Variants in DOCK6 observed in about 807,000 individuals in gnomAD.
DOCK6 encodes dedicator of cytokinesis 6, also known as dedicator of cytokinesis protein 6.
A neutral mutation model predicts 230.3 loss-of-function variants in DOCK6; 167 were observed. The observed-to-expected ratio is 0.73, with a 90% CI of 0.64 to 0.82. The LOEUF is 0.82. Ranked by LOEUF, DOCK6 falls within the 40% of genes least tolerant of loss-of-function variation. The pLI is 0.00. For synonymous variants in DOCK6, 1,148 were observed against 1,185.0 expected (o/e 0.97, Z 0.64); for missense variants, 2,598 against 2,825.8 (o/e 0.92, Z 1.83).
chr19:11,229,068 G>A, intron 22 of DOCK6, 33 bp from the exon 23 acceptor site: 2 of 1,596,702 alleles, frequency 1.3e-6, no homozygotes, highest in Non-Finnish European at 1.7e-6. Context: ...CAGAGTGCGA[G>A]GTGCCACCCC....
chr19:11,240,189 G>A lies in DOCK6; in HGVS notation c.1643+1856C>T, dbSNP rs1185715031. ...AGAGGCCACAGCTGAGGTGCTGGGG[G>A]AGGTGGCCCAGGCACAGAAGGTGCT... On this transcript the variant is annotated intron_variant, in intron 14 of 47. Coordinates refer to ENST00000294618, the MANE Select transcript of DOCK6 (RefSeq NM_020812.4). 4.5e-6 allele frequency: 7 copies of A among 1,555,080 alleles called. No homozygotes were observed. The African/African-American group carries it at 8.2e-5, about 18-fold the overall frequency.
At chr19:11,204,936 G>GT (rs964098232) in intron 39 of DOCK6, among the ~76,000 whole-genome samples, 21 of 151,836 alleles carry the variant, frequency 1.4e-4, no homozygotes, top group Non-Finnish European at 2.1e-4. Flanking sequence ...GGGAGAAGCA[G>GT]TTTTTTTTTC....
chr19:11,208,278 CTTTTT>C (rs372026726), intron 39 of DOCK6: 29 of 118,316 alleles, frequency 2.5e-4, no homozygotes, highest in Admixed American at 3.5e-4. Context: ...ATTCTCCTTC[CTTTTT>C]TTTTTTTTTT....
intron 28 of DOCK6, among the ~76,000 whole-genome samples, chr19:11,219,731 A>C (rs545507924): frequency 6.6e-6 from 1 of 150,776 alleles, no homozygotes; most frequent in East Asian, 2.1e-4. Flanking sequence ...CAGAGCTTGC[A>C]GTGAGCCGAG....
intron 23 of DOCK6, 75 bp from the exon 24 acceptor site, chr19:11,227,552 C>G: frequency 1.4e-6 from 2 of 1,408,352 alleles, no homozygotes; most frequent in South Asian, 1.4e-5. Flanking sequence ...GTGGGTGGGG[C>G]TTGAAGGGCT....
rs1599230617 is a variant in DOCK6, at chr19:11,222,608, A to G, written c.3240+127T>C. 9.2e-7 allele frequency: 1 copy of G among 1,091,900 alleles called. No homozygotes were observed. Among genetic ancestry groups the G allele is most frequent in the Non-Finnish European group, 1.3e-6 (1 of 779,086 alleles). The allele number at this position is 1,091,900 out of a possible 1,614,324, so 67.6% of individuals were successfully genotyped here. On this transcript the variant is annotated intron_variant, in intron 26 of 47. Transcript: ENST00000294618. This position sits in a 1 kb window ranked among gnomAD's most constrained non-coding sequence, Gnocchi z 4.0. ...AAGGGTCAGAAGTCAAAAGTCAAAC[A>G]TAAGGGATTAGTTCACCTAGGCAGT...
intron 37 of DOCK6, among the ~76,000 whole-genome samples, chr19:11,210,604 ATCCCTTCACCTGTCTG>A (rs1350941546): frequency 1.6e-5 from 2 of 122,266 alleles, no homozygotes; most frequent in African/African-American, 3.2e-5. Context: ...TCACCTGTCC[ATCCCTTCACCTGTCTG>A]TCCCCTCACC....
chr19:11,237,461 GTGTGAGCACGGAA>G lies in DOCK6; in HGVS notation c.2055_2067del (p.Ser686ProfsTer59). 5.0e-6 allele frequency: 8 copies of G among 1,613,592 alleles called. No homozygotes were observed. Among genetic ancestry groups the G allele is most frequent in the Non-Finnish European group, 6.8e-6 (8 of 1,179,826 alleles). On this transcript the variant is annotated frameshift_variant, in exon 18 of 48. Transcript: ENST00000294618. LOFTEE classifies it high-confidence loss of function. ...AGGAGCTCCAGGGCACATACATCGG[GTGTGAGCACGGAA>G]TAGCTGGGCGGCGGCTGGTCCACAG...
rs750708740 is a variant in DOCK6 at position 11,217,217 on chromosome 19, G to A, written c.3711+14C>T. ...AAGTGGATGATGTCTATGGGGACAAGCCTCCCTACTCACCGTTGGTGGCCC... is the reference window on the plus strand; with the variant it reads ...AAGTGGATGATGTCTATGGGGACAAACCTCCCTACTCACCGTTGGTGGCCC... On this transcript the variant is annotated intron_variant, in intron 29 of 47. Transcript: ENST00000294618. 1 of 1,610,414 alleles carries A rather than the reference G, an allele frequency of 6.2e-7. No individual in the cohort carries two copies. The highest frequency in any genetic ancestry group is 8.5e-7 in the Non-Finnish European group (1 of 1,177,950).
At chr19:11,205,447 A>G (rs2147711423) in intron 39 of DOCK6, among the ~76,000 whole-genome samples, 1 of 152,080 alleles carries the variant, frequency 6.6e-6, no homozygotes, top group Non-Finnish European at 1.5e-5. Flanking sequence ...GGTTCAAGCA[A>G]TTCTCCTGCC....
At chr19:11,209,213 C>CCAG in intron 37 of DOCK6, 110 bp from the exon 38 acceptor site, 1 of 1,286,364 alleles carries the variant, frequency 7.8e-7, no homozygotes, top group Non-Finnish European at 1.1e-6. Context: ...GCCCCAAGGA[C>CCAG]CAGCCAATCT....
chr19:11,225,184 T>C (rs183026701), intron 24 of DOCK6, among the ~76,000 whole-genome samples: 25 of 152,038 alleles, frequency 1.6e-4, no homozygotes, highest in Admixed American at 6.5e-4. Flanking sequence ...GCCGAGATCG[T>C]GCCATTGCAC....
At chr19:11,228,262 C>T (rs1359182321) in intron 23 of DOCK6, among the ~76,000 whole-genome samples, 10 of 152,090 alleles carry the variant, frequency 6.6e-5, no homozygotes, top group South Asian at 2.1e-4. Context: ...CCACCCGCCT[C>T]GGCCTCCCAA....
At position 11,215,882 on chromosome 19, in the gene DOCK6, A is replaced by AT. The variant is rs1568227759; in HGVS notation, c.3939dup (p.Ser1314IlefsTer28). On this transcript the variant is annotated frameshift_variant, in exon 31 of 48. Coordinates refer to ENST00000294618, the MANE Select transcript of DOCK6 (RefSeq NM_020812.4). LOFTEE classifies it high-confidence loss of function. ...TCTAGCCGCGCCTTCATATCCAGAG[A>AT]TTTTTTGAATGTGAGGCTGTTGATG... 23 of 1,613,630 alleles carry AT rather than the reference A, an allele frequency of 1.4e-5. No homozygotes were observed. Among genetic ancestry groups the AT allele is most frequent in the Non-Finnish European group, 1.9e-5 (22 of 1,179,810 alleles).
Position 11,202,016 on chromosome 19 carries a change from G to T in DOCK6, c.5561C>A (p.Thr1854Lys). The T allele has an allele frequency of 6.2e-7, 1 of 1,614,054 alleles. No homozygotes were observed. Among genetic ancestry groups the T allele is most frequent in the South Asian group, 1.1e-5 (1 of 91,088 alleles). ...TGCGCGCCCATCCGGCGTGAACGGCGTGCAGAACAGGAATGTGCGAAGCCC... is the reference window on the plus strand; with the variant it reads ...TGCGCGCCCATCCGGCGTGAACGGCTTGCAGAACAGGAATGTGCGAAGCCC... ...NYGLRTFLFCTPFTPDGRAHG... is the reference protein window; with the variant it reads ...NYGLRTFLFCKPFTPDGRAHG... The change falls in exon 44 of 48, where the codon ACG (threonine) becomes AAG (lysine). Residue 1854 changes from threonine (T) to lysine (K), a missense_variant. Thr to Lys is a moderately conservative substitution (Grantham distance 78). Transcript: ENST00000294618. The surrounding 1 kb of genome is among the most constrained non-coding windows in gnomAD (Gnocchi z 5.3).
chr19:11,253,005 G>A (rs1378017090), intron 2 of DOCK6, 47 bp from the exon 3 acceptor site: 1 of 1,548,248 alleles, frequency 6.5e-7, no homozygotes, highest in South Asian at 1.2e-5. Flanking sequence ...AGGAGGCTGA[G>A]AGTGGGGGCA....
In DOCK6 at chr19:11,222,449, G is replaced by GGT; in HGVS notation, c.3241-202_3241-201insAC. 1 of 779,572 alleles carries GGT rather than the reference G, an allele frequency of 1.3e-6. No individual in the cohort carries two copies. Among genetic ancestry groups the GGT allele is most frequent in the Non-Finnish European group, 2.0e-6 (1 of 501,088 alleles). 48.3% of individuals were successfully genotyped at this position (779,572 alleles called of 1,614,324 possible). ...GGGCTGACGTTAACCCATCTGTGAT[G>GGT]TAACAGGGCACGGAGTCAAAAGTCA... On this transcript the variant is annotated intron_variant, in intron 26 of 47. Transcript: ENST00000294618. This position sits in a 1 kb window ranked among gnomAD's most constrained non-coding sequence, Gnocchi z 4.0.
At chr19:11,217,133 T>C (rs780952029) in intron 29 of DOCK6, 37 bp from the exon 30 acceptor site, 4 of 1,597,956 alleles carry the variant, frequency 2.5e-6, no homozygotes, top group Non-Finnish European at 3.4e-6. Context: ...ATTTCCATTT[T>C]CTCCATGTGA....
At chr19:11,220,780 C>T (rs2079566357) in intron 28 of DOCK6, among the ~76,000 whole-genome samples, 1 of 150,766 alleles carries the variant, frequency 6.6e-6, no homozygotes, top group Non-Finnish European at 1.5e-5. Flanking sequence ...ACAAAAAAAT[C>T]ACATGGATAT....
Sources: gnomAD v4.1 joint callset for allele counts (sites outside exome capture counted in the v4.1 genomes callset) on GRCh38, gnomAD v4.1.1 for gene constraint, Gnocchi (gnomAD v3.1) non-coding constraint, MANE v1.5 for transcripts, NCBI Gene and HGNC (gene_info 2026-07-23, HGNC 2026-07-21) for gene names.